The following MYH7B variants were observed in gnomAD, a reference collection of about 807,000 sequenced individuals.
The protein encoded by MYH7B is myosin heavy chain 7B, also known as myosin-7B.
In MYH7B, 205 loss-of-function variants were observed where a neutral mutation model predicts 234.5. The ratio of observed to expected loss-of-function variants is 0.87; its 90% confidence interval spans 0.78 to 0.98. The LOEUF is 0.98. MYH7B is among the 50% of genes least tolerant of loss of function. The pLI, the probability that MYH7B is intolerant of heterozygous loss-of-function variation, is 0.00. For missense variants in MYH7B, 2,652 were observed against 2,633.4 expected (o/e 1.01, Z -0.15); for synonymous variants, 1,193 against 1,105.0 (o/e 1.08, Z -1.58).
At position 34,977,925 on chromosome 20, in the gene MYH7B, A is replaced by G. The variant is rs764677119; in HGVS notation, c.-72-9A>G. Reference sequence around the variant, plus strand: ...CTAGTTCAGCTCCCTTGTCACTGCCATCTTCCAGTGCCTGCTGCCTTGGGC... The same window carrying G: ...CTAGTTCAGCTCCCTTGTCACTGCCGTCTTCCAGTGCCTGCTGCCTTGGGC... On this transcript the variant is annotated splice_polypyrimidine_tract_variant and intron_variant, in intron 4 of 44. Transcript: ENST00000262873. 4 of 1,613,334 alleles carry G rather than the reference A, an allele frequency of 2.5e-6. No homozygotes were observed. The African/African-American group carries it at 4.0e-5, about 16-fold the overall frequency.
At chr20:34,977,844 T>G in intron 4 of MYH7B, 90 bp from the exon 5 acceptor site, 1 of 1,558,890 alleles carries the variant, frequency 6.4e-7, no homozygotes, top group Non-Finnish European at 8.8e-7. Flanking sequence ...GGAGGCTGCA[T>G]TGGGAGCCAG....
At chr20:34,971,696 C>A (rs1188458705) in intron 2 of MYH7B, among the ~76,000 whole-genome samples, 1 of 152,238 alleles carries the variant, frequency 6.6e-6, no homozygotes, top group Non-Finnish European at 1.5e-5. Context: ...CCGGCCTCAC[C>A]CCTTCAGTGC....
rs752237354 is a variant in MYH7B, at chr20:34,997,555, G to A, written c.3662G>A (p.Arg1221Gln). The A allele has an allele frequency of 1.2e-5, 19 of 1,612,180 alleles. No homozygotes were observed. Among genetic ancestry groups the A allele is most frequent in the East Asian group, 6.7e-5 (3 of 44,742 alleles). Reference sequence around the variant, plus strand: ...CAGGTGGACAGCCTGCAGCGGGTGCGGCAGAAGCTGGAGAAGGAGAAGAGT... The same window carrying A: ...CAGGTGGACAGCCTGCAGCGGGTGCAGCAGAAGCTGGAGAAGGAGAAGAGT... The change falls in exon 32 of 45, where the codon CGG becomes CAG. Residue 1221 changes from arginine (R) to glutamine (Q), a missense_variant. Arg to Gln is a conservative substitution (Grantham distance 43). Around this residue, in one of 3 missense-constraint regions of MYH7B, gnomAD observed 2,279 missense variants for 2,211.4 expected, o/e 1.03. Coordinates refer to ENST00000262873, the Ensembl canonical transcript of MYH7B.
intron 18 of MYH7B, 82 bp from the exon 19 acceptor site, chr20:34,988,010 G>C: frequency 3.2e-6 from 5 of 1,562,934 alleles, no homozygotes; most frequent in Non-Finnish European, 4.3e-6. Context: ...CCTGGAAGTT[G>C]GGGGTGAACT....
At chr20:34,964,412 T>C (rs1314765953) in intron 2 of MYH7B, among the ~76,000 whole-genome samples, 1 of 152,214 alleles carries the variant, frequency 6.6e-6, no homozygotes. Context: ...ATGGCAGGGC[T>C]CTGGGCCTAG....
Position 35,001,593 on chromosome 20 carries a change from G to A in MYH7B, c.5676+67G>A, listed in dbSNP as rs765231067. On this transcript the variant is annotated intron_variant, in intron 43 of 44. Coordinates refer to ENST00000262873, the Ensembl canonical transcript of MYH7B. The stretch of plus-strand genomic sequence containing the variant: ...GCTCTGCCCCAGGGTCTGTGGCCAG[G>A]TGAGGCATCAGCAGCAGCTCCACCC... 5 of 1,400,466 alleles carry A rather than the reference G, an allele frequency of 3.6e-6. No individual in the cohort carries two copies. The Admixed American group carries it at 1.0e-4, about 28-fold the overall frequency. The allele number at this position is 1,400,466 out of a possible 1,614,324, so 86.8% of individuals were successfully genotyped here.
intron 4 of MYH7B, 58 bp downstream of exon 4, chr20:34,977,738 G>GGGGGGGGGGGGGGGGGGGT: frequency 3.2e-6 from 1 of 317,154 alleles, no homozygotes; most frequent in Non-Finnish European, 5.9e-6. Flanking sequence ...GGGCGGGTGG[G>GGGGGGGGGGGGGGGGGGGT]TGAGGGTGCC....
At chr20:34,968,848 T>C (rs2081767110) in intron 2 of MYH7B, among the ~76,000 whole-genome samples, 1 of 151,408 alleles carries the variant, frequency 6.6e-6, no homozygotes, top group African/African-American at 2.5e-5. Context: ...ACACCCTTAA[T>C]GCCCTTACCT....
chr20:34,994,798 C>G (rs951016841), intron 27 of MYH7B, among the ~76,000 whole-genome samples: 9 of 152,266 alleles, frequency 5.9e-5, no homozygotes, highest in Admixed American at 5.2e-4. Context: ...AGCAAGCTTT[C>G]CTGCCTTCGG....
intron 37 of MYH7B, 29 bp from the exon 38 acceptor site, chr20:34,999,762 A>T (rs767714953): frequency 6.9e-6 from 4 of 578,514 alleles, no homozygotes; most frequent in African/African-American, 1.0e-4. Context: ...CCCCCCCCCC[A>T]CCCTACCCTG....
At chr20:34,982,090 AG>A (rs1306455842) in intron 9 of MYH7B, 1 of 192,574 alleles carries the variant, frequency 5.2e-6, no homozygotes. Flanking sequence ...TGAGTCAGTG[AG>A]TTGATATATG....
chr20:34,991,103 A>C (rs2082138395), exon 24 of MYH7B: 1 of 1,611,208 alleles, frequency 6.2e-7, no homozygotes, highest in African/African-American at 1.3e-5. Flanking sequence ...AGGTTGCTCT[A>C]CACCGACTTC....
intron 2 of MYH7B, among the ~76,000 whole-genome samples, chr20:34,963,376 T>G (rs2081715610): frequency 6.6e-6 from 1 of 152,362 alleles, no homozygotes; most frequent in African/African-American, 2.4e-5. Context: ...ATTGGTAGTT[T>G]GTATATCTTC....
In MYH7B at chr20:34,986,084, C is replaced by A; in HGVS notation, c.806-16C>A. The A allele has an allele frequency of 6.4e-7, 1 of 1,561,282 alleles. No homozygotes were observed. Among genetic ancestry groups the A allele is most frequent in the East Asian group, 2.4e-5 (1 of 42,322 alleles). On this transcript the variant is annotated splice_polypyrimidine_tract_variant and intron_variant, in intron 13 of 44. Transcript: ENST00000262873. The stretch of plus-strand genomic sequence containing the variant: ...GGAGGTGTGGGAGATGGCAGGCCAG[C>A]GTCCCTTCTCCCCAGATCTCCTGGA...
intron 13 of MYH7B, 61 bp downstream of exon 13, chr20:34,985,190 C>A: frequency 6.6e-7 from 1 of 1,521,264 alleles, no homozygotes; most frequent in Non-Finnish European, 9.1e-7. Context: ...CACCCCAACT[C>A]GGCCTCTGTC....
At chr20:34,964,566 T>C (rs1192670651) in intron 2 of MYH7B, among the ~76,000 whole-genome samples, 1 of 152,194 alleles carries the variant, frequency 6.6e-6, no homozygotes, top group African/African-American at 2.4e-5. Context: ...ATCGTCCTGC[T>C]CTTCCATCTC....
intron 2 of MYH7B, among the ~76,000 whole-genome samples, chr20:34,973,270 C>G (rs2081809461): frequency 6.6e-6 from 1 of 152,216 alleles, no homozygotes; most frequent in South Asian, 2.1e-4. Flanking sequence ...CTGCGCCCAG[C>G]CTTCAAACTA....
At chr20:34,956,229 A>G (rs2081631847) in intron 1 of MYH7B, among the ~76,000 whole-genome samples, 1 of 152,174 alleles carries the variant, frequency 6.6e-6, no homozygotes, top group Non-Finnish European at 1.5e-5. Context: ...CAAGTCCCAG[A>G]AAAATCCCCC....
intron 16 of MYH7B, 65 bp from the exon 17 acceptor site, chr20:34,987,492 G>A: frequency 6.8e-7 from 1 of 1,472,352 alleles, no homozygotes; most frequent in South Asian, 1.2e-5. Context: ...CCCAGGCTGA[G>A]GCAGTAGAGC....
Sources: gnomAD v4.1 joint callset for allele counts (sites outside exome capture counted in the v4.1 genomes callset) on GRCh38, gnomAD v4.1.1 for gene constraint, gnomAD v4.1.1 regional missense constraint, MANE v1.5 for transcripts, NCBI Gene and HGNC (gene_info 2026-07-23, HGNC 2026-07-21) for gene names.